The following GALNTL6 variants were observed in gnomAD, a reference collection of about 807,000 sequenced individuals.
The protein encoded by GALNTL6 is polypeptide N-acetylgalactosaminyltransferase-like 6.
Under a neutral mutation model 73.7 loss-of-function variants are expected in GALNTL6, and 46 were observed. That is an observed-to-expected ratio of 0.62 (90% CI 0.49 to 0.80). The LOEUF is 0.80. Among genes scored for constraint, GALNTL6 ranks in the 30% least tolerant of loss-of-function variants. The pLI is 0.00. For missense variants in GALNTL6, 604 were observed against 755.0 expected (o/e 0.80, Z 2.34); for synonymous variants, 259 against 263.7 (o/e 0.98, Z 0.17).
At chr4:173,021,425 T>G in intron 11 of GALNTL6, 51 bp from the exon 12 acceptor site, 2 of 1,599,414 alleles carry the variant, frequency 1.3e-6, no homozygotes, top group Non-Finnish European at 1.7e-6. Context: ...CCTTGCATCT[T>G]CTCTCCAAAA....
intron 2 of GALNTL6, among the ~76,000 whole-genome samples, chr4:172,138,136 C>A (rs1434184708): frequency 1.3e-5 from 2 of 151,860 alleles, no homozygotes; most frequent in Non-Finnish European, 2.9e-5. Context: ...CTAAAACCTC[C>A]CAAATGAACG....
intron 2 of GALNTL6, among the ~76,000 whole-genome samples, chr4:171,937,834 AATGAATAAAC>A (rs1408102863): frequency 1.3e-5 from 2 of 152,208 alleles, no homozygotes; most frequent in African/African-American, 4.8e-5. Context: ...ATTATTTGCT[AATGAATAAAC>A]ATGGAAAAAT....
At chr4:171,891,812 A>G (rs748484576) in intron 2 of GALNTL6, among the ~76,000 whole-genome samples, 1 of 152,232 alleles carries the variant, frequency 6.6e-6, no homozygotes, top group Non-Finnish European at 1.5e-5. Flanking sequence ...ACTGTTTAGT[A>G]TAAGTATGCC....
intron 7 of GALNTL6, among the ~76,000 whole-genome samples, chr4:172,829,060 G>C (rs1027941200): frequency 6.6e-6 from 1 of 152,172 alleles, no homozygotes; most frequent in African/African-American, 2.4e-5. Flanking sequence ...TGGAAGCATC[G>C]CTCTGGTGTA....
intron 3 of GALNTL6, among the ~76,000 whole-genome samples, chr4:172,271,447 A>G (rs1192975504): frequency 1.3e-5 from 2 of 151,932 alleles, no homozygotes; most frequent in African/African-American, 4.8e-5. Flanking sequence ...ATATACATAC[A>G]TATATATATA....
chr4:172,203,578 G>A (rs1179975526), intron 2 of GALNTL6, among the ~76,000 whole-genome samples: 1 of 151,902 alleles, frequency 6.6e-6, no homozygotes, highest in African/African-American at 2.4e-5. Flanking sequence ...TTTTAACCTG[G>A]GAGGCAAGGC....
At position 173,040,024 on chromosome 4, in the gene GALNTL6, C is replaced by T. The variant is rs1414736847; in HGVS notation, c.1730C>T (p.Ser577Phe). Residue 577 changes from serine (S) to phenylalanine (F), a missense_variant, in exon 13 of 13, where the codon TCT becomes TTT. By Grantham distance (155) the Ser-to-Phe change is radical. Coordinates refer to ENST00000506823, the MANE Select transcript of GALNTL6 (RefSeq NM_001034845.3). ...TTCATGGCCAGATGTGACCCTCTCT[C>T]TGAGACTCAGCAGTGGATTTTTGAA... Reference protein sequence around the residue: ...KIFMARCDPLSETQQWIFEHI... With the variant: ...KIFMARCDPLFETQQWIFEHI... The T allele has an allele frequency of 6.2e-7, 1 of 1,613,624 alleles. No homozygotes were observed. The highest frequency in any genetic ancestry group is 1.1e-5 in the South Asian group (1 of 91,074).
chr4:172,341,311 C>T (rs375529488), intron 4 of GALNTL6, among the ~76,000 whole-genome samples: 2 of 150,608 alleles, frequency 1.3e-5, no homozygotes, highest in Non-Finnish European at 3.0e-5. Flanking sequence ...ATTAGCCGGG[C>T]GTAGTGGCGG....
Position 172,246,767 on chromosome 4 carries a change from G to A in GALNTL6, c.247+17003G>A, listed in dbSNP as rs527790742. 2.7e-5 allele frequency among the ~76,000 whole-genome samples: 4 copies of A among 149,790 alleles called. No homozygotes were observed. The South Asian group carries it at 6.3e-4, about 24-fold the overall frequency. ...ACATGAGAACAAATTCAGAAAAGTC[G>A]TGTTTTAAGTTACATATATATGAAG... On this transcript the variant is annotated intron_variant, in intron 3 of 12. Coordinates refer to ENST00000506823, the MANE Select transcript of GALNTL6 (RefSeq NM_001034845.3).
chr4:172,565,977 T>G (rs1313511246), intron 5 of GALNTL6, among the ~76,000 whole-genome samples: 2 of 152,090 alleles, frequency 1.3e-5, no homozygotes, highest in African/African-American at 4.8e-5. Context: ...TGAGGTTTCA[T>G]TTCATCAGTA....
At chr4:172,417,501 T>C (rs928726837) in intron 5 of GALNTL6, among the ~76,000 whole-genome samples, 11 of 152,032 alleles carry the variant, frequency 7.2e-5, no homozygotes. Context: ...ATACAAAAAT[T>C]AGCCGAGCAT....
chr4:172,242,893 A>G (rs1737497637), intron 3 of GALNTL6, among the ~76,000 whole-genome samples: 1 of 152,236 alleles, frequency 6.6e-6, no homozygotes, highest in South Asian at 2.1e-4. Flanking sequence ...CTATTTCAAT[A>G]AGTCTCTTAA....
intron 5 of GALNTL6, among the ~76,000 whole-genome samples, chr4:172,662,661 A>G (rs1221562371): frequency 3.9e-5 from 6 of 152,190 alleles, no homozygotes; most frequent in Admixed American, 1.3e-4. Context: ...GATTCATTCA[A>G]TTGGTACCCA....
chr4:172,194,843 CA>C (rs1735702990), intron 2 of GALNTL6, among the ~76,000 whole-genome samples: 1 of 152,078 alleles, frequency 6.6e-6, no homozygotes, highest in South Asian at 2.1e-4. Flanking sequence ...TACAAAAAGA[CA>C]CTGAAGTACA....
intron 2 of GALNTL6, among the ~76,000 whole-genome samples, chr4:171,860,975 C>G (rs879700950): frequency 7.2e-5 from 11 of 152,120 alleles, no homozygotes; most frequent in Non-Finnish European, 1.6e-4. Context: ...AGCCATAATT[C>G]TCCATTAGGC....
At chr4:172,057,882 G>C (rs912995717) in intron 2 of GALNTL6, among the ~76,000 whole-genome samples, 2 of 151,084 alleles carry the variant, frequency 1.3e-5, no homozygotes, top group Admixed American at 1.3e-4. Flanking sequence ...TTATTATGTG[G>C]ATACACACTT....
chr4:172,317,921 T>A (rs1175409651), intron 4 of GALNTL6, among the ~76,000 whole-genome samples: 2 of 152,200 alleles, frequency 1.3e-5, no homozygotes, highest in Non-Finnish European at 2.9e-5. Flanking sequence ...AAATGACTGT[T>A]CATGCACTCC....
chr4:172,816,965 G>A (rs1472878878), intron 7 of GALNTL6, among the ~76,000 whole-genome samples: 1 of 151,914 alleles, frequency 6.6e-6, no homozygotes, highest in Admixed American at 6.6e-5. Context: ...CAATTAGCCG[G>A]GCATGGTGGT....
At chr4:172,956,802 A>C (rs1273060582) in intron 10 of GALNTL6, among the ~76,000 whole-genome samples, 1 of 152,188 alleles carries the variant, frequency 6.6e-6, no homozygotes, top group Non-Finnish European at 1.5e-5. Context: ...GAGCTTGGTG[A>C]GGTGTGTCTT....
Sources: allele counts gnomAD v4.1 joint callset (sites outside exome capture counted in the v4.1 genomes callset), GRCh38; gene constraint gnomAD v4.1.1; transcripts MANE v1.5; gene names NCBI Gene and HGNC (gene_info 2026-07-23, HGNC 2026-07-21).